Variants in RBMS3 observed in about 807,000 individuals in gnomAD.
The protein encoded by RBMS3 is RNA-binding motif, single-stranded-interacting protein 3.
Under a neutral mutation model 66.8 loss-of-function variants are expected in RBMS3, and 27 were observed. That is an observed-to-expected ratio of 0.40 (90% CI 0.30 to 0.56). The LOEUF (loss-of-function observed/expected upper bound fraction) is 0.56. RBMS3 is among the 20% of genes least tolerant of loss of function. RBMS3 has a pLI of 0.40. For synonymous variants in RBMS3, 188 were observed against 183.0 expected (o/e 1.03, Z -0.22); for missense variants, 513 against 549.5 (o/e 0.93, Z 0.66).
intron 4 of RBMS3, among the ~76,000 whole-genome samples, chr3:29,735,700 C>T (rs1455685369): frequency 6.6e-6 from 1 of 152,120 alleles, no homozygotes; most frequent in African/African-American, 2.4e-5. Context: ...TTATTTTTGT[C>T]TCTATAATAT....
chr3:29,779,006 A>G (rs908663520), intron 6 of RBMS3, among the ~76,000 whole-genome samples: 2 of 151,860 alleles, frequency 1.3e-5, no homozygotes, highest in African/African-American at 4.8e-5. Flanking sequence ...GAATATTAAT[A>G]TCCTGTATTG....
chr3:29,898,278 A>C (rs946040716), intron 9 of RBMS3, among the ~76,000 whole-genome samples: 2 of 151,724 alleles, frequency 1.3e-5, no homozygotes, highest in African/African-American at 4.8e-5. Context: ...TGCACGTAGA[A>C]AGTGTCTAGT....
chr3:29,703,634 A>G (rs1346957453), intron 4 of RBMS3, among the ~76,000 whole-genome samples: 1 of 152,180 alleles, frequency 6.6e-6, no homozygotes, highest in Non-Finnish European at 1.5e-5. Context: ...TTCCATTTCT[A>G]TCAAGTTAAT....
At chr3:29,774,266 T>G (rs901315858) in intron 6 of RBMS3, among the ~76,000 whole-genome samples, 1 of 152,068 alleles carries the variant, frequency 6.6e-6, no homozygotes, top group Admixed American at 6.6e-5. Flanking sequence ...AGCACTTGTT[T>G]ATAGGTAGCT....
In RBMS3 at chr3:29,803,853, A is replaced by G. The variant is rs573348965; in HGVS notation, c.637+40864A>G. 2.0e-5 allele frequency among the ~76,000 whole-genome samples: 3 copies of G among 152,186 alleles called. No individual in the cohort carries two copies. In the East Asian group the frequency reaches 5.8e-4, roughly 29 times the overall value. ...TTCTCAAGAAACTGCAATTATTGTA[A>G]TTATTGTCAAATGAGTAATTATAAA... is the stretch of plus-strand genomic sequence containing the variant. On this transcript the variant is annotated intron_variant, in intron 6 of 14. Transcript: ENST00000383767.
chr3:29,840,311 A>G (rs1377371144), intron 6 of RBMS3, among the ~76,000 whole-genome samples: 1 of 152,120 alleles, frequency 6.6e-6, no homozygotes, highest in African/African-American at 2.4e-5. Flanking sequence ...AAATGTACTT[A>G]AAAGACAATA....
chr3:29,674,737 CAAAAAAAAA>C (rs149403305), intron 4 of RBMS3, among the ~76,000 whole-genome samples: 3 of 100,912 alleles, frequency 3.0e-5, no homozygotes, highest in Non-Finnish European at 4.0e-5. Flanking sequence ...ACCACTGCTC[CAAAAAAAAA>C]AAAAAAAAAA....
chr3:29,582,718 G>C (rs556158056), intron 3 of RBMS3, among the ~76,000 whole-genome samples: 18 of 152,274 alleles, frequency 1.2e-4, no homozygotes, highest in African/African-American at 4.3e-4. Context: ...TGTCATTAAG[G>C]AAAACAAATT....
chr3:29,409,033 A>G (rs952032842), intron 1 of RBMS3, among the ~76,000 whole-genome samples: 4 of 152,208 alleles, frequency 2.6e-5, no homozygotes, highest in Admixed American at 2.6e-4. Flanking sequence ...ATCTAATTCA[A>G]CTTGCTCGTA....
At chr3:29,587,562 CTGTG>C (rs2047577957) in intron 4 of RBMS3, among the ~76,000 whole-genome samples, 1 of 151,292 alleles carries the variant, frequency 6.6e-6, no homozygotes, top group Admixed American at 6.6e-5. Flanking sequence ...TGGGGTGTGT[CTGTG>C]TGTATGTGTC....
chr3:29,529,190 A>G (rs1167072624), intron 3 of RBMS3, among the ~76,000 whole-genome samples: 1 of 152,216 alleles, frequency 6.6e-6, no homozygotes, highest in Non-Finnish European at 1.5e-5. Flanking sequence ...ATGGGAGTGT[A>G]TTTATTGATC....
chr3:29,390,226 C>G (rs1047951157), intron 1 of RBMS3, among the ~76,000 whole-genome samples: 1 of 152,152 alleles, frequency 6.6e-6, no homozygotes, highest in African/African-American at 2.4e-5. Context: ...CCCCTTTCCC[C>G]ATCTCTTCTG....
rs553637366 is a variant in RBMS3 at position 29,906,450 on chromosome 3, AACATTAATCCATTCATGAGGACACAGCTG to A, written c.939+6721_939+6749del. On this transcript the variant is annotated intron_variant, in intron 10 of 14. Transcript: ENST00000383767. ...ATTCCCACAAATCTAATTCCATGGC[AACATTAATCCATTCATGAGGACACAGCTG>A]ACATTAATCCATTCATGAGGACACA... Among the ~76,000 whole-genome samples, 360 of 152,206 alleles carry A rather than the reference AACATTAATCCATTCATGAGGACACAGCTG, an allele frequency of 2.4e-3. 1 individual carries two copies. Among genetic ancestry groups the A allele is most frequent in the Non-Finnish European group, 3.7e-3 (249 of 67,996 alleles).
intron 1 of RBMS3, among the ~76,000 whole-genome samples, chr3:29,301,934 G>C (rs765849606): frequency 5.9e-5 from 9 of 151,922 alleles, no homozygotes; most frequent in Non-Finnish European, 1.3e-4. Context: ...TGATTTTGAA[G>C]CCCAATTTTA....
chr3:29,842,886 C>T (rs1187529608), intron 6 of RBMS3, among the ~76,000 whole-genome samples: 2 of 152,162 alleles, frequency 1.3e-5, no homozygotes, highest in East Asian at 3.9e-4. Flanking sequence ...ATATGCTTGC[C>T]TAAAGCCTCC....
chr3:29,539,478 C>T (rs1470823419), intron 3 of RBMS3, among the ~76,000 whole-genome samples: 1 of 152,154 alleles, frequency 6.6e-6, no homozygotes, highest in Admixed American at 6.6e-5. Context: ...TTTACCAGCC[C>T]TTGAAGCCCT....
At chr3:29,958,170 C>T (rs933779230) in intron 12 of RBMS3, among the ~76,000 whole-genome samples, 1 of 151,982 alleles carries the variant, frequency 6.6e-6, no homozygotes, top group Non-Finnish European at 1.5e-5. Context: ...GCTGTCTTCC[C>T]CTCTTTCTTT....
At chr3:29,286,111 A>G (rs1205552776) in intron 1 of RBMS3, among the ~76,000 whole-genome samples, 1 of 152,152 alleles carries the variant, frequency 6.6e-6, no homozygotes, top group Non-Finnish European at 1.5e-5. Context: ...TCTTCCAGCG[A>G]TAGAATTTTT....
At chr3:29,958,087 A>G (rs1248594381) in intron 12 of RBMS3, among the ~76,000 whole-genome samples, 5 of 152,166 alleles carry the variant, frequency 3.3e-5, no homozygotes, top group Non-Finnish European at 5.9e-5. Flanking sequence ...CTGTGTACAT[A>G]GGGCTGGTTT....
Sources: allele counts gnomAD v4.1 joint callset (sites outside exome capture counted in the v4.1 genomes callset), GRCh38; gene constraint gnomAD v4.1.1; transcripts MANE v1.5; gene names NCBI Gene and HGNC (gene_info 2026-07-23, HGNC 2026-07-21).